THRAP3: variants seen among roughly 807,000 people sequenced by gnomAD.
THRAP3 encodes the protein thyroid hormone receptor associated protein 3.
Under a neutral mutation model 101.0 loss-of-function variants are expected in THRAP3, and 16 were observed. The observed-to-expected ratio is 0.16, with a 90% CI of 0.11 to 0.24. The LOEUF is 0.24. Ranked by LOEUF, THRAP3 falls within the 10% of genes least tolerant of loss-of-function variation. The probability of loss-of-function intolerance (pLI) is 1.00; values close to 1 mark genes in which losing one functional copy is unlikely to be tolerated. For missense variants in THRAP3, 989 were observed against 1,202.7 expected, an observed-to-expected ratio of 0.82 and a Z score of 2.63; for synonymous variants, 407 against 422.6, an observed-to-expected ratio of 0.96 and a Z score of 0.45.
rs376911173 is a variant in THRAP3, at chr1:36,286,760, C to T, written c.530C>T (p.Ala177Val). 1 of 1,614,208 alleles carries T rather than the reference C, an allele frequency of 6.2e-7. No individual in the cohort carries two copies. Among genetic ancestry groups the T allele is most frequent in the Non-Finnish European group, 8.5e-7 (1 of 1,180,046 alleles). The change falls in exon 4 of 12, where the codon GCA becomes GTA. Residue 177 changes from alanine to valine, a missense_variant. Physicochemically the swap from Ala to Val is moderately conservative, Grantham distance 64. Transcript: ENST00000354618. The surrounding 1 kb of genome is among the most constrained non-coding windows in gnomAD (Gnocchi z 5.5). ...GTTGAATCTTCTAAGCGCAAGTCTGCAAAGGAGAAAAAGTCCTCTTCTAAG... is the reference window on the plus strand; with the variant it reads ...GTTGAATCTTCTAAGCGCAAGTCTGTAAAGGAGAAAAAGTCCTCTTCTAAG... ...SRVESSKRKS[A>V]KEKKSSSKDS...
chr1:36,275,174 C>T (rs1242912534), intron 2 of THRAP3, among the ~76,000 whole-genome samples: 1 of 150,596 alleles, frequency 6.6e-6, no homozygotes, highest in African/African-American at 2.4e-5. Flanking sequence ...CCTGTAGTCC[C>T]AGCTACTTGG....
chr1:36,302,918 A>G (rs926345327), intron 11 of THRAP3, among the ~76,000 whole-genome samples: 1 of 152,136 alleles, frequency 6.6e-6, no homozygotes, highest in Admixed American at 6.5e-5. Context: ...TGCATAAAAC[A>G]GGGGAGATAC....
chr1:36,297,160 G>T (rs1488036794), intron 9 of THRAP3, among the ~76,000 whole-genome samples: 3 of 152,152 alleles, frequency 2.0e-5, no homozygotes, highest in African/African-American at 4.8e-5. Context: ...TTTAGTCAAA[G>T]AAACAGGGTG....
chr1:36,214,006 GAAAGAAAGAAA>G, the THRAP3 span, among the ~76,000 whole-genome samples: 41 of 35,164 alleles, frequency 1.2e-3, no homozygotes, highest in Admixed American at 4.3e-3. Flanking sequence ...AGGAAAGAAA[GAAAGAAAGAAA>G]GAAAGAAAGA....
chr1:36,278,664 A>G (rs1456627665), intron 2 of THRAP3, among the ~76,000 whole-genome samples: 1 of 152,148 alleles, frequency 6.6e-6, no homozygotes, highest in Non-Finnish European at 1.5e-5. Context: ...TGGATCACGC[A>G]TGTAATCCCA....
intron 2 of THRAP3, among the ~76,000 whole-genome samples, chr1:36,280,572 C>A (rs1171350243): frequency 1.3e-5 from 2 of 152,126 alleles, no homozygotes; most frequent in African/African-American, 4.8e-5. Flanking sequence ...ATTTTCCCTT[C>A]ACAGACAAGA....
intron 1 of THRAP3, among the ~76,000 whole-genome samples, chr1:36,256,706 A>G (rs1333414569): frequency 2.6e-5 from 4 of 152,180 alleles, no homozygotes; most frequent in African/African-American, 9.6e-5. Flanking sequence ...AGGAAAACCA[A>G]AGTCCTTACT....
rs1557448424 is a variant in THRAP3 at position 36,287,220 on chromosome 1, A to G, written c.990A>G (p.Ser330=). ...CATCCACTGGCTCCACATATGGCTC[A>G]TCTCAGAAGGAGGAGAGTGCTGCTT... ...SPPSTGSTYG[S]SQKEESAASG... is the part of the protein sequence containing the mutation. Residue 330 remains serine, a synonymous_variant, in exon 4 of 12, where the codon TCA becomes TCG. Transcript: ENST00000354618. 1 of 1,613,886 alleles carries G rather than the reference A, an allele frequency of 6.2e-7. No homozygotes were observed. Among genetic ancestry groups the G allele is most frequent in the Non-Finnish European group, 8.5e-7 (1 of 1,179,946 alleles).
At chr1:36,253,760 ATTTT>A (rs58306701) in intron 1 of THRAP3, among the ~76,000 whole-genome samples, 10 of 100,220 alleles carry the variant, frequency 1.0e-4, no homozygotes, top group East Asian at 3.0e-4. Context: ...AGTCAGGCTA[ATTTT>A]TTTTTTTTTT....
At chr1:36,262,629 T>TC (rs1398176860) in intron 2 of THRAP3, among the ~76,000 whole-genome samples, 1 of 152,182 alleles carries the variant, frequency 6.6e-6, no homozygotes, top group Non-Finnish European at 1.5e-5. Flanking sequence ...GCAAAGAATG[T>TC]CCATGGCCCA....
chr1:36,213,909 GAGAAAGAA>G, the THRAP3 span, among the ~76,000 whole-genome samples: 5,159 of 80,442 alleles, frequency 0.064, 352 homozygotes, highest in South Asian at 0.077. Flanking sequence ...AAGAAGGAAA[GAGAAAGAA>G]AGAAAGAAAG....
At chr1:36,283,369 A>T (rs1047362867) in intron 3 of THRAP3, among the ~76,000 whole-genome samples, 1 of 152,206 alleles carries the variant, frequency 6.6e-6, no homozygotes, top group East Asian at 1.9e-4. Context: ...TAGGATGCCA[A>T]ACCTCCAGCG....
In THRAP3 at chr1:36,286,462, A is replaced by C. The variant is rs757323640; in HGVS notation, c.232A>C (p.Arg78=). The C allele has an allele frequency of 6.2e-7, 1 of 1,614,234 alleles. No individual in the cohort carries two copies. The highest frequency in any genetic ancestry group is 1.1e-5 in the South Asian group (1 of 91,090). ...YQNRDFRGHN[R]GYRRPYYFRG... ...GAATCGGGATTTCCGAGGTCACAAC[A>C]GAGGCTATAGAAGGCCCTATTATTT... Residue 78 remains arginine, a synonymous_variant, in exon 4 of 12, where the codon AGA becomes CGA. Transcript: ENST00000354618. The surrounding 1 kb of genome is among the most constrained non-coding windows in gnomAD (Gnocchi z 5.5).
chr1:36,268,144 T>C (rs1434147147), intron 2 of THRAP3, among the ~76,000 whole-genome samples: 2 of 151,744 alleles, frequency 1.3e-5, no homozygotes, highest in African/African-American at 2.4e-5. Context: ...CATGTGCCAC[T>C]GTACTCCAGC....
intron 6 of THRAP3, among the ~76,000 whole-genome samples, chr1:36,292,264 C>CTT (rs774003081): frequency 0.06 from 1,224 of 20,362 alleles, 110 homozygotes; most frequent in African/African-American, 0.17. Flanking sequence ...TTCTTTGTTT[C>CTT]TTTTTTTTTT....
chr1:36,234,903 C>T (rs112103434), intron 1 of THRAP3, among the ~76,000 whole-genome samples: 2,114 of 149,406 alleles, frequency 0.014, 52 homozygotes, highest in African/African-American at 0.048. Flanking sequence ...CAACCTCTGC[C>T]TCCCGGTTCA....
At chr1:36,235,693 A>G (rs1645077347) in intron 1 of THRAP3, among the ~76,000 whole-genome samples, 1 of 152,202 alleles carries the variant, frequency 6.6e-6, no homozygotes, top group Non-Finnish European at 1.5e-5. Context: ...TCTAGAGGAC[A>G]ACACTATGTA....
the THRAP3 span, among the ~76,000 whole-genome samples, chr1:36,214,914 C>T: frequency 6.6e-6 from 1 of 151,150 alleles, no homozygotes; most frequent in South Asian, 2.1e-4. Flanking sequence ...AATCACGTCC[C>T]TCCCCTGCTT....
intron 3 of THRAP3, among the ~76,000 whole-genome samples, chr1:36,284,697 CTG>C (rs751724561): frequency 1.3e-5 from 2 of 152,318 alleles, no homozygotes. Flanking sequence ...TGTGCAATGA[CTG>C]TGAGTTTTGG....
Sources: gnomAD v4.1 joint callset for allele counts (sites outside exome capture counted in the v4.1 genomes callset) on GRCh38, gnomAD v4.1.1 for gene constraint, Gnocchi (gnomAD v3.1) non-coding constraint, MANE v1.5 for transcripts, NCBI Gene and HGNC (gene_info 2026-07-23, HGNC 2026-07-21) for gene names.